ATP1A4: variants seen among roughly 807,000 people sequenced by gnomAD.
ATP1A4 encodes sodium/potassium-transporting ATPase subunit alpha-4.
ATP1A4 carries 90 observed loss-of-function variants against 114.3 expected under a neutral mutation model. The observed-to-expected ratio is 0.79, with a 90% CI of 0.66 to 0.94. The LOEUF is 0.94. Ranked by LOEUF, ATP1A4 falls within the 40% of genes least tolerant of loss-of-function variation. The pLI, the probability that ATP1A4 is intolerant of heterozygous loss-of-function variation, is 0.00. For synonymous variants in ATP1A4, 511 were observed against 494.1 expected, an observed-to-expected ratio of 1.03 and a Z score of -0.45; for missense variants, 1,222 against 1,313.6, an observed-to-expected ratio of 0.93 and a Z score of 1.08.
chr1:160,182,222 CTG>C (rs1333066193), intron 20 of ATP1A4, among the ~76,000 whole-genome samples, 191 bp downstream of exon 20: 1 of 152,168 alleles, frequency 6.6e-6, no homozygotes, highest in Non-Finnish European at 1.5e-5. Flanking sequence ...ATATTAGAGA[CTG>C]TGCCAAATGA....
chr1:160,177,290 C>G (rs915841085), intron 17 of ATP1A4: 1 of 491,526 alleles, frequency 2.0e-6, no homozygotes, highest in Non-Finnish European at 3.6e-6. Context: ...TGATTCAAAG[C>G]TGACTCTGGG....
chr1:160,178,677 GA>G (rs57025973), intron 18 of ATP1A4, among the ~76,000 whole-genome samples: 30 of 144,680 alleles, frequency 2.1e-4, no homozygotes, highest in South Asian at 1.1e-3. Flanking sequence ...CCGTCTCAAA[GA>G]AAAAAAAAAA....
intron 6 of ATP1A4, among the ~76,000 whole-genome samples, chr1:160,163,551 G>A (rs569676145): frequency 7.9e-5 from 12 of 152,296 alleles, no homozygotes; most frequent in South Asian, 4.1e-4. Flanking sequence ...CAGTCATATG[G>A]AAGAGACGCA....
Position 160,186,834 on chromosome 1 carries a change from G to T in ATP1A4, c.*135G>T, listed in dbSNP as rs888574491. ...GGATGAGAAAGATGGGCAATCCTGG[G>T]CTGGCTTGAGGGAATCATGGGCAGA... On this transcript the variant is annotated 3_prime_UTR_variant, in exon 22 of 22. Transcript: ENST00000368081. The T allele has an allele frequency of 1.4e-5, 15 of 1,066,306 alleles. No individual in the cohort carries two copies. In the East Asian group the frequency reaches 3.9e-4, roughly 28 times the overall value. The allele number at this position is 1,066,306 out of a possible 1,614,324, so 66.1% of individuals were successfully genotyped here.
At chr1:160,169,149 C>T (rs1315514055) in intron 10 of ATP1A4, among the ~76,000 whole-genome samples, 1 of 152,216 alleles carries the variant, frequency 6.6e-6, no homozygotes, top group Non-Finnish European at 1.5e-5. Flanking sequence ...GGCACTTGTT[C>T]TGGGAGGCCC....
At chr1:160,178,223 C>T (rs897118574) in intron 18 of ATP1A4, among the ~76,000 whole-genome samples, 7 of 151,582 alleles carry the variant, frequency 4.6e-5, no homozygotes, top group African/African-American at 9.7e-5. Context: ...GGCGTGGTGG[C>T]GCATGCCTGT....
In ATP1A4 at chr1:160,180,745, C is replaced by T. The variant is rs376119551; in HGVS notation, c.2737-939C>T. Reference sequence around the variant, plus strand: ...TTTTTTTTTTTTTGAGACGGAGTCTCGCTCTGTCGCCCAGGCTGGAGTGCA... The same window carrying T: ...TTTTTTTTTTTTTGAGACGGAGTCTTGCTCTGTCGCCCAGGCTGGAGTGCA... On this transcript the variant is annotated intron_variant, in intron 18 of 21. Transcript: ENST00000368081. Among the ~76,000 whole-genome samples, 118 of 117,340 alleles carry T rather than the reference C, an allele frequency of 1.0e-3. 6 individuals are homozygous for T. The South Asian group carries it at 0.032, about 32-fold the overall frequency. The allele number at this position is 117,340 out of a possible 152,430, so 77.0% of individuals were successfully genotyped here. A position where few individuals can be genotyped will look rare whatever the true frequency, so the allele number is the denominator to read the frequency against.
intron 7 of ATP1A4, among the ~76,000 whole-genome samples, chr1:160,166,062 G>A (rs1157062139): frequency 6.6e-6 from 1 of 152,146 alleles, no homozygotes; most frequent in African/African-American, 2.4e-5. Context: ...TTGAGCCCAG[G>A]AGTTCAAGAC....
rs1004968292 is a variant in ATP1A4, at chr1:160,185,313, A to C, written c.2970-963A>C. 2.0e-5 allele frequency among the ~76,000 whole-genome samples: 3 copies of C among 151,846 alleles called. 1 individual carries two copies. The highest frequency in any genetic ancestry group is 4.4e-5 in the Non-Finnish European group (3 of 67,978). On this transcript the variant is annotated intron_variant, in intron 20 of 21. Transcript: ENST00000368081. ...TTTTTAGTAGAGACGGCGTTTCACC[A>C]TGTTGGTCAGGCTGGTCTCAAACTC...
chr1:160,157,778 G>A (rs151180633), intron 4 of ATP1A4, among the ~76,000 whole-genome samples: 1 of 152,182 alleles, frequency 6.6e-6, no homozygotes, highest in African/African-American at 2.4e-5. Flanking sequence ...GTTAATAGGT[G>A]AATCTGGATA....
At chr1:160,167,129 C>A (rs756065295) in intron 9 of ATP1A4, 52 bp downstream of exon 9, 1 of 1,583,410 alleles carries the variant, frequency 6.3e-7, no homozygotes. Flanking sequence ...TGTAACCTGA[C>A]CTCTCCCAAA....
Position 160,167,373 on chromosome 1 carries a change from G to C in ATP1A4, c.1452G>C (p.Lys484Asn), listed in dbSNP as rs1317166473. 5.0e-6 allele frequency: 8 copies of C among 1,611,886 alleles called. No homozygotes were observed. The South Asian group carries it at 7.7e-5, about 16-fold the overall frequency. ...CGGAGATGAGAGAGAAAAACCCCAA[G>C]GTGGCAGAGATTCCCTTTAATTCTA... is the stretch of plus-strand genomic sequence containing the variant. ...SVAEMREKNPKVAEIPFNSTN... is the reference protein window; with the variant it reads ...SVAEMREKNPNVAEIPFNSTN... Residue 484 changes from lysine to asparagine, a missense_variant, in exon 10 of 22, where the codon AAG (lysine) becomes AAC (asparagine). Transcript: ENST00000368081.
At chr1:160,179,773 G>T (rs1311079274) in intron 18 of ATP1A4, among the ~76,000 whole-genome samples, 2 of 152,136 alleles carry the variant, frequency 1.3e-5, no homozygotes, top group East Asian at 3.8e-4. Context: ...CTCTCATGGA[G>T]CTTATTTCTA....
At position 160,186,272 on chromosome 1, in the gene ATP1A4, A is replaced by G. The variant is rs370147955; in HGVS notation, c.2970-4A>G. 6.2e-7 allele frequency: 1 copy of G among 1,607,872 alleles called. No individual in the cohort carries two copies. The highest frequency in any genetic ancestry group is 1.7e-5 in the Admixed American group (1 of 60,002). On this transcript the variant is annotated splice_polypyrimidine_tract_variant and splice_region_variant and intron_variant, in intron 20 of 21. Transcript: ENST00000368081. ...CCATGCTGACTGGCTCTTGCTCTCT[A>G]CAGGATAACCTGGTGGCTCTGTGCC... is the stretch of plus-strand genomic sequence containing the variant.
chr1:160,174,353 T>C, intron 14 of ATP1A4, 92 bp downstream of exon 14: 1 of 1,550,990 alleles, frequency 6.4e-7, no homozygotes. Flanking sequence ...TGGGCTGGGC[T>C]AGAGGAGACT....
chr1:160,180,694 CTTTTTTTTTTTTTTTTTTTTT>C (rs536915261), intron 18 of ATP1A4, among the ~76,000 whole-genome samples: 8 of 68,408 alleles, frequency 1.2e-4, no homozygotes, highest in African/African-American at 3.9e-4. Flanking sequence ...GCCTTCTTCC[CTTTTTTTTTTTTTTTTTTTTT>C]TTTTTTTTTT....
At chr1:160,162,466 C>G (rs1026966890) in intron 6 of ATP1A4, among the ~76,000 whole-genome samples, 1 of 152,156 alleles carries the variant, frequency 6.6e-6, no homozygotes, top group Non-Finnish European at 1.5e-5. Context: ...TGCTACCCAG[C>G]AGAGGTCAGA....
At chr1:160,182,072 C>T (rs369701470) in intron 20 of ATP1A4, 41 bp downstream of exon 20, 30 of 1,503,870 alleles carry the variant, frequency 2.0e-5, no homozygotes, top group East Asian at 6.8e-5. Context: ...TGTGCAGGCA[C>T]GGGGGAGCAT....
intron 4 of ATP1A4, among the ~76,000 whole-genome samples, chr1:160,158,781 C>A (rs1652764003): frequency 6.6e-6 from 1 of 152,174 alleles, no homozygotes; most frequent in Non-Finnish European, 1.5e-5. Context: ...ATAGACTCCA[C>A]CTCTTAATGG....
Sources: gnomAD v4.1 joint callset for allele counts (sites outside exome capture counted in the v4.1 genomes callset) on GRCh38, gnomAD v4.1.1 for gene constraint, MANE v1.5 for transcripts, NCBI Gene and HGNC (gene_info 2026-07-23, HGNC 2026-07-21) for gene names.